Variants in UBAP2 observed in about 807,000 individuals in gnomAD.
UBAP2 encodes the protein ubiquitin associated protein 2, also known as ubiquitin-associated protein 2.
In UBAP2, 75 loss-of-function variants were observed where a neutral mutation model predicts 139.6. The ratio of observed to expected loss-of-function variants is 0.54; its 90% CI spans 0.45 to 0.65. The LOEUF is 0.65. UBAP2 is among the 30% of genes least tolerant of loss of function. The probability of loss-of-function intolerance (pLI) is 0.00; values close to 1 mark genes in which losing one functional copy is unlikely to be tolerated. For missense variants in UBAP2, 1,368 were observed against 1,369.6 expected (o/e 1.00, Z 0.02); for synonymous variants, 526 against 526.2 (o/e 1.00, Z 0.01).
intron 13 of UBAP2, among the ~76,000 whole-genome samples, chr9:33,946,554 G>C (rs533375041): frequency 5.9e-5 from 9 of 152,264 alleles, no homozygotes; most frequent in South Asian, 4.1e-4. Context: ...TATGGGGCCA[G>C]ATAGTACAAC....
At chr9:33,970,134 A>G (rs1396084457) in intron 8 of UBAP2, among the ~76,000 whole-genome samples, 5 of 150,756 alleles carry the variant, frequency 3.3e-5, no homozygotes, top group African/African-American at 1.2e-4. Context: ...GAGTTTCACC[A>G]TGTTGCCCAG....
rs1242087291 is a variant in UBAP2 at position 34,044,217 on chromosome 9, C to T, written c.-42+4608G>A. ...GAGATCAAGACCATCCTGGCTAACA[C>T]GGTGAAACCTTGTCTCTACTAAAAA... is the stretch of plus-strand genomic sequence containing the variant. On this transcript the variant is annotated intron_variant, in intron 1 of 28. Transcript: ENST00000379238. Among the ~76,000 whole-genome samples the T allele has an allele frequency of 4.6e-5, 7 of 151,414 alleles. No individual in the cohort carries two copies. The East Asian group carries it at 5.9e-4, about 13-fold the overall frequency.
intron 9 of UBAP2, among the ~76,000 whole-genome samples, chr9:33,962,470 A>AC (rs1293794286): frequency 6.6e-6 from 1 of 151,580 alleles, no homozygotes; most frequent in African/African-American, 2.4e-5. Context: ...ATATGATGAA[A>AC]CCCCGTCTCT....
intron 12 of UBAP2, among the ~76,000 whole-genome samples, chr9:33,953,071 T>C (rs1795066669): frequency 6.6e-6 from 1 of 152,038 alleles, no homozygotes; most frequent in Non-Finnish European, 1.5e-5. Context: ...AGAGACAGAG[T>C]TTTGCCCAGT....
chr9:34,045,486 G>A (rs982281155), intron 1 of UBAP2, among the ~76,000 whole-genome samples: 8 of 151,996 alleles, frequency 5.3e-5, no homozygotes, highest in South Asian at 2.1e-4. Context: ...CAATTCTACC[G>A]CCTCAGCCTC....
chr9:33,982,799 A>G (rs1044422825), intron 6 of UBAP2, among the ~76,000 whole-genome samples: 16 of 152,142 alleles, frequency 1.1e-4, no homozygotes, highest in Non-Finnish European at 1.6e-4. Context: ...TTTTTCCTCA[A>G]AGTAATAACA....
At chr9:34,021,046 T>G (rs1824898220) in intron 1 of UBAP2, among the ~76,000 whole-genome samples, 1 of 152,182 alleles carries the variant, frequency 6.6e-6, no homozygotes, top group African/African-American at 2.4e-5. Flanking sequence ...CTTATACATT[T>G]CAGATTAATA....
chr9:34,035,466 C>G (rs1238152096), intron 1 of UBAP2, among the ~76,000 whole-genome samples: 1 of 109,978 alleles, frequency 9.1e-6, no homozygotes, highest in Non-Finnish European at 1.9e-5. Flanking sequence ...CGCGCCACTG[C>G]ACTCCAGTCT....
chr9:33,975,149 C>T (rs1042639832), intron 6 of UBAP2, among the ~76,000 whole-genome samples: 2 of 151,870 alleles, frequency 1.3e-5, no homozygotes, highest in Non-Finnish European at 2.9e-5. Context: ...CAAGTGTTGG[C>T]GGCCGGGCGT....
chr9:34,042,373 G>A (rs6476433), intron 1 of UBAP2, among the ~76,000 whole-genome samples: 53,050 of 151,200 alleles, frequency 0.35, 9,462 homozygotes, highest in Middle Eastern at 0.47. Context: ...AGCTACTCGG[G>A]AGATGGAGGC....
At chr9:34,039,793 T>A (rs1159559674) in intron 1 of UBAP2, among the ~76,000 whole-genome samples, 2 of 137,048 alleles carry the variant, frequency 1.5e-5, no homozygotes. Context: ...TATTGTCCTA[T>A]GACCCTGCCA....
intron 9 of UBAP2, among the ~76,000 whole-genome samples, chr9:33,961,769 G>A (rs974595481): frequency 6.6e-6 from 1 of 152,166 alleles, no homozygotes; most frequent in African/African-American, 2.4e-5. Flanking sequence ...GGAAGAGGAG[G>A]AGCATGCTTG....
chr9:34,032,753 A>G (rs966416305), intron 1 of UBAP2, among the ~76,000 whole-genome samples: 2 of 152,100 alleles, frequency 1.3e-5, no homozygotes, highest in East Asian at 1.9e-4. Context: ...TCAAAACCCT[A>G]TCTTTACAAA....
chr9:33,957,749 A>C (rs1826688157), intron 10 of UBAP2, among the ~76,000 whole-genome samples: 1 of 152,186 alleles, frequency 6.6e-6, no homozygotes, highest in African/African-American at 2.4e-5. Context: ...TGTTCCCATA[A>C]TTCTTATCAA....
chr9:34,048,344 TC>T (rs988535645), intron 1 of UBAP2, among the ~76,000 whole-genome samples: 4 of 152,096 alleles, frequency 2.6e-5, no homozygotes, highest in African/African-American at 9.7e-5. Context: ...GAACTGTGAC[TC>T]CGGGTAAGCC....
intron 9 of UBAP2, among the ~76,000 whole-genome samples, chr9:33,963,356 T>C (rs957491255): frequency 5.3e-5 from 8 of 152,012 alleles, no homozygotes; most frequent in African/African-American, 1.9e-4. Flanking sequence ...AAAATTTTAA[T>C]TTGGTCATTA....
At position 33,933,526 on chromosome 9, in the gene UBAP2, C is replaced by T. The variant is rs759728568; in HGVS notation, c.2072G>A (p.Gly691Asp). The T allele has an allele frequency of 6.2e-7, 1 of 1,613,800 alleles. No homozygotes were observed. The highest frequency in any genetic ancestry group is 1.7e-5 in the Admixed American group (1 of 59,986). ...AGAGAGAGGGCTGCTAGTCAGGTCG[C>T]CAGTGTGCTGGGATGTGGACGGCAG... The part of the protein sequence containing the change: ...ALLPSTSQHT[G>D]DLTSSPLSQL... The change falls in exon 18 of 29, where the codon GGC (glycine) becomes GAC (aspartate). Residue 691 changes from glycine (G) to aspartate (D), a missense_variant. Physicochemically the swap from Gly to Asp is moderately conservative, Grantham distance 94 (BLOSUM62 -1). Transcript: ENST00000379238.
At position 33,939,799 on chromosome 9, in the gene UBAP2, A is replaced by G. The variant is rs7872544; in HGVS notation, c.1929+1850T>C. ...AAGGGGAGGAGGAAGGGGAGGAGGA[A>G]GGGGAGGAGGAAGGGGAGGAGGAAG... On this transcript the variant is annotated intron_variant, in intron 16 of 28. Transcript: ENST00000379238. Among the ~76,000 whole-genome samples the G allele has an allele frequency of 3.4e-3, 23 of 6,806 alleles. 1 individual carries two copies. Among genetic ancestry groups the G allele is most frequent in the Non-Finnish European group, 4.3e-3 (16 of 3,722 alleles). The allele number at this position is 6,806 out of a possible 152,430, so 4.5% of individuals were successfully genotyped here.
chr9:34,021,657 G>A (rs944500202), intron 1 of UBAP2, among the ~76,000 whole-genome samples: 11 of 146,184 alleles, frequency 7.5e-5, no homozygotes, highest in African/African-American at 2.3e-4. Flanking sequence ...TTTTTGAGAC[G>A]GAGGCTCGCT....
Sources: allele counts gnomAD v4.1 joint callset (sites outside exome capture counted in the v4.1 genomes callset), GRCh38; gene constraint gnomAD v4.1.1; transcripts MANE v1.5; gene names NCBI Gene and HGNC (gene_info 2026-07-23, HGNC 2026-07-21).